Variants in HADHA observed in about 807,000 individuals in gnomAD.
HADHA encodes the protein trifunctional enzyme subunit alpha, mitochondrial.
In HADHA, 59 loss-of-function variants were observed where a neutral mutation model predicts 91.3. That is an observed-to-expected ratio of 0.65 (90% CI 0.52 to 0.80). The LOEUF (loss-of-function observed/expected upper bound fraction) is 0.80, where lower values mean the gene tolerates loss of function less well. HADHA is among the 30% of genes least tolerant of loss of function. HADHA has a pLI of 0.00. For synonymous variants in HADHA, 320 were observed against 338.9 expected (o/e 0.94, Z 0.61); for missense variants, 800 against 927.6 (o/e 0.86, Z 1.79).
chr2:26,232,014 C>A, intron 6 of HADHA, 146 bp downstream of exon 6: 1 of 621,716 alleles, frequency 1.6e-6, no homozygotes, highest in South Asian at 1.8e-5. Context: ...AAAATAAGTA[C>A]CAGGAATAAA....
intron 12 of HADHA, among the ~76,000 whole-genome samples, chr2:26,202,726 G>A (rs1049725581): frequency 1.1e-4 from 17 of 152,328 alleles, no homozygotes; most frequent in African/African-American, 4.1e-4. Flanking sequence ...CGGTAATAGA[G>A]TGAGACTGTC....
chr2:26,239,954 C>T (rs1670852173), intron 1 of HADHA, among the ~76,000 whole-genome samples: 1 of 152,198 alleles, frequency 6.6e-6, no homozygotes, highest in African/African-American at 2.4e-5. Context: ...TCTCCTCAAT[C>T]CCCAGTGCCT....
intron 1 of HADHA, chr2:26,243,365 G>A (rs1275756519): frequency 6.6e-6 from 1 of 152,104 alleles, no homozygotes; most frequent in African/African-American, 2.4e-5. Flanking sequence ...AAGGCTAACC[G>A]TAGGTAAGCA....
At chr2:26,195,338 T>C in intron 14 of HADHA, 106 bp from the exon 15 acceptor site, 3 of 964,142 alleles carry the variant, frequency 3.1e-6, no homozygotes, top group Non-Finnish European at 3.4e-6. Context: ...GGCTGTGATA[T>C]AGGAATACTG....
chr2:26,226,879 T>G (rs1023553196), intron 7 of HADHA, among the ~76,000 whole-genome samples: 1 of 152,188 alleles, frequency 6.6e-6, no homozygotes, highest in African/African-American at 2.4e-5. Context: ...ACAGGAAAAC[T>G]TAGTGATCTT....
intron 15 of HADHA, 83 bp downstream of exon 15, chr2:26,195,009 A>T: frequency 8.6e-7 from 1 of 1,167,604 alleles, no homozygotes; most frequent in Non-Finnish European, 1.3e-6. Flanking sequence ...TTGCCCCAGA[A>T]TATTTATAAA....
chr2:26,214,299 C>T lies in HADHA; in HGVS notation c.918+144G>A. 1.4e-6 allele frequency: 1 copy of T among 739,036 alleles called. No individual in the cohort carries two copies. The highest frequency in any genetic ancestry group is 1.8e-5 in the Admixed American group (1 of 54,152). The allele number at this position is 739,036 out of a possible 1,614,324, so 45.8% of individuals were successfully genotyped here. ...ATGAGTCCTTACAGCTTGCTATGCCCTTCCCTTATTTTTGGTAAATACTTT... is the reference window on the plus strand; with the variant it reads ...ATGAGTCCTTACAGCTTGCTATGCCTTTCCCTTATTTTTGGTAAATACTTT... On this transcript the variant is annotated intron_variant, in intron 9 of 19. Coordinates refer to ENST00000380649, the MANE Select transcript of HADHA (RefSeq NM_000182.5). This position sits in a 1 kb window ranked among gnomAD's most constrained non-coding sequence, Gnocchi z 4.1.
chr2:26,212,527 T>G, intron 10 of HADHA, 43 bp downstream of exon 10: 1 of 1,232,340 alleles, frequency 8.1e-7, no homozygotes, highest in East Asian at 2.3e-5. Context: ...ATCTTTAGTT[T>G]TCCTTTAACT....
At chr2:26,232,044 C>A in intron 6 of HADHA, 116 bp downstream of exon 6, 1 of 763,060 alleles carries the variant, frequency 1.3e-6, no homozygotes, top group Non-Finnish European at 2.4e-6. Context: ...TGATCCTGTA[C>A]ACTCATATTT....
intron 1 of HADHA, among the ~76,000 whole-genome samples, chr2:26,242,101 C>G (rs867014153): frequency 6.6e-6 from 1 of 152,246 alleles, no homozygotes; most frequent in South Asian, 2.1e-4. Flanking sequence ...TGGGGTTTCA[C>G]CATGTGGGCC....
At chr2:26,212,963 T>C (rs568928800) in intron 9 of HADHA, among the ~76,000 whole-genome samples, 4 of 152,340 alleles carry the variant, frequency 2.6e-5, no homozygotes, top group African/African-American at 9.6e-5. Context: ...CTCAGATGCA[T>C]GACCTAGTTT....
intron 14 of HADHA, among the ~76,000 whole-genome samples, chr2:26,197,271 G>A (rs1669700923): frequency 6.6e-6 from 1 of 152,154 alleles, no homozygotes; most frequent in Admixed American, 6.5e-5. Context: ...GGGGTAGAAG[G>A]TGTAAGCAAA....
Position 26,210,729 on chromosome 2 carries a change from G to T in HADHA, c.976-840C>A, listed in dbSNP as rs1382755963. On this transcript the variant is annotated intron_variant, in intron 10 of 19. Coordinates refer to ENST00000380649, the MANE Select transcript of HADHA (RefSeq NM_000182.5). This position sits in a 1 kb window ranked among gnomAD's most constrained non-coding sequence, Gnocchi z 4.0. ...AAGTAGCTTAATTTATGGAGAAAAA[G>T]TCTCAACTTGGTGGTTAAAGGCATA... 1 of 152,194 alleles carries T rather than the reference G, an allele frequency of 6.6e-6. No individual in the cohort carries two copies. The highest frequency in any genetic ancestry group is 1.5e-5 in the Non-Finnish European group (1 of 68,044). The allele number at this position is 152,194 out of a possible 1,614,324, so 9.4% of individuals were successfully genotyped here.
At chr2:26,196,673 G>A (rs1421968349) in intron 14 of HADHA, among the ~76,000 whole-genome samples, 1 of 152,106 alleles carries the variant, frequency 6.6e-6, no homozygotes, top group Non-Finnish European at 1.5e-5. Flanking sequence ...AATGACAAAA[G>A]GCAAGCAGGT....
At chr2:26,218,621 A>G (rs1387474758) in intron 7 of HADHA, among the ~76,000 whole-genome samples, 1 of 152,250 alleles carries the variant, frequency 6.6e-6, no homozygotes, top group African/African-American at 2.4e-5. Flanking sequence ...TAATGTATGT[A>G]GCAGTAAAAT....
Position 26,195,217 on chromosome 2 carries a change from A to G in HADHA, c.1495T>C (p.Tyr499His). The G allele has an allele frequency of 6.2e-7, 1 of 1,613,268 alleles. No individual in the cohort carries two copies. Among genetic ancestry groups the G allele is most frequent in the Non-Finnish European group, 8.5e-7 (1 of 1,179,238 alleles). ...KRPEKVIGMHYFSPVDKMQLL... is the reference protein window; with the variant it reads ...KRPEKVIGMHHFSPVDKMQLL... ...TGCATCTTGTCCACGGGAGAGAAGT[A>G]GTGCATGCCAATCACCTGGCAAGGG... Residue 499 changes from tyrosine to histidine, a missense_variant, in exon 15 of 20, where the codon TAC (tyrosine) becomes CAC (histidine). Physicochemically the swap from Tyr to His is moderately conservative, Grantham distance 83. Transcript: ENST00000380649.
At chr2:26,201,782 T>C (rs1669848350) in intron 12 of HADHA, among the ~76,000 whole-genome samples, 1 of 151,878 alleles carries the variant, frequency 6.6e-6, no homozygotes, top group African/African-American at 2.4e-5. Flanking sequence ...ATTCTGTAGT[T>C]GTAATCTTTT....
intron 14 of HADHA, among the ~76,000 whole-genome samples, 170 bp from the exon 15 acceptor site, chr2:26,195,402 G>C (rs570369051): frequency 4.6e-5 from 7 of 152,156 alleles, no homozygotes; most frequent in African/African-American, 1.7e-4. Flanking sequence ...AGTTTAGTAT[G>C]TTTAGGGAGA....
At chr2:26,193,293 CTTTTT>C (rs370942158) in intron 17 of HADHA, among the ~76,000 whole-genome samples, 1 of 115,164 alleles carries the variant, frequency 8.7e-6, no homozygotes, top group Non-Finnish European at 1.7e-5. Flanking sequence ...CACATGACAT[CTTTTT>C]TTTTTTTTTT....
Sources: allele counts gnomAD v4.1 joint callset (sites outside exome capture counted in the v4.1 genomes callset), GRCh38; gene constraint gnomAD v4.1.1; non-coding constraint Gnocchi (gnomAD v3.1); transcripts MANE v1.5; gene names NCBI Gene and HGNC (gene_info 2026-07-23, HGNC 2026-07-21).